TPD52: variants seen among roughly 807,000 people sequenced by gnomAD.
The protein encoded by TPD52 is tumor protein D52, also known as prostate and colon associated protein.
Under a neutral mutation model 31.3 loss-of-function variants are expected in TPD52, and 17 were observed. The observed-to-expected ratio is 0.54, with a 90% confidence interval of 0.37 to 0.82. TPD52 has a LOEUF of 0.82. Among genes scored for constraint, TPD52 ranks in the 40% least tolerant of loss-of-function variants. The pLI, the probability that TPD52 is intolerant of heterozygous loss-of-function variation, is 0.00. For synonymous variants in TPD52, 83 were observed against 89.6 expected (o/e 0.93, Z 0.42); for missense variants, 212 against 240.1 (o/e 0.88, Z 0.77).
chr8:80,101,186 G>A (rs192602295), intron 1 of TPD52, among the ~76,000 whole-genome samples: 121 of 152,350 alleles, frequency 7.9e-4, no homozygotes, highest in Non-Finnish European at 1.8e-4. Context: ...GGTGGCTCAC[G>A]CCTGTAATCC....
At chr8:80,121,971 C>CTTATTTT (rs1808290690) in intron 1 of TPD52, among the ~76,000 whole-genome samples, 1 of 151,282 alleles carries the variant, frequency 6.6e-6, no homozygotes, top group Admixed American at 6.6e-5. Flanking sequence ...ATTATTTCTA[C>CTTATTTT]TTCACATTTT....
chr8:80,158,898 C>A (rs1811156222), intron 1 of TPD52: 1 of 138,976 alleles, frequency 7.2e-6, no homozygotes, highest in South Asian at 2.3e-4. Context: ...GAGCCGAGAT[C>A]CCGCCACTGC....
chr8:80,086,227 C>G (rs1333826406), intron 1 of TPD52, among the ~76,000 whole-genome samples: 1 of 148,118 alleles, frequency 6.8e-6, no homozygotes, highest in South Asian at 2.2e-4. Context: ...AAGTGATTCT[C>G]CTAACCTCAG....
chr8:80,171,074 A>G, intron 1 of TPD52: 1 of 577,746 alleles, frequency 1.7e-6, no homozygotes, highest in South Asian at 1.8e-5. Context: ...AGTCACTTAC[A>G]GGAGCTGGCT....
At chr8:80,054,594 A>G (rs1471518502) in intron 2 of TPD52, among the ~76,000 whole-genome samples, 1 of 152,226 alleles carries the variant, frequency 6.6e-6, no homozygotes, top group Non-Finnish European at 1.5e-5. Flanking sequence ...CGGTATTTCT[A>G]TGATTTCAAA....
chr8:80,141,648 A>T (rs1410097495), intron 1 of TPD52, among the ~76,000 whole-genome samples: 2 of 152,188 alleles, frequency 1.3e-5, no homozygotes, highest in Non-Finnish European at 2.9e-5. Flanking sequence ...GCGGGGGCTC[A>T]CGCCTGTAAT....
At chr8:80,076,832 C>T (rs1272698525) in intron 1 of TPD52, among the ~76,000 whole-genome samples, 5 of 152,038 alleles carry the variant, frequency 3.3e-5, no homozygotes, top group Non-Finnish European at 7.4e-5. Context: ...CCACCATGCC[C>T]GATTAATTCT....
intron 1 of TPD52, chr8:80,171,191 A>ACACACG (rs1032265002): frequency 1.6e-5 from 11 of 700,598 alleles, no homozygotes; most frequent in Middle Eastern, 2.3e-4. Context: ...CCTCTCCCCC[A>ACACACG]CACACGCACA....
At chr8:80,039,488 A>ATT (rs1281409749) in intron 7 of TPD52, among the ~76,000 whole-genome samples, 1 of 151,688 alleles carries the variant, frequency 6.6e-6, no homozygotes, top group Non-Finnish European at 1.5e-5. Flanking sequence ...CACTAACTTA[A>ATT]TTCACTCTCC....
At chr8:80,057,223 A>C (rs1279949824) in intron 2 of TPD52, among the ~76,000 whole-genome samples, 1 of 152,194 alleles carries the variant, frequency 6.6e-6, no homozygotes, top group Non-Finnish European at 1.5e-5. Flanking sequence ...AAAGCTGTAC[A>C]CAATTGCTTA....
At chr8:80,087,170 G>A (rs1815873921) in intron 1 of TPD52, among the ~76,000 whole-genome samples, 1 of 152,020 alleles carries the variant, frequency 6.6e-6, no homozygotes. Context: ...TAAGTTCCAG[G>A]GTACATGTGC....
At chr8:80,049,372 A>T (rs1318077010) in intron 5 of TPD52, among the ~76,000 whole-genome samples, 1 of 152,226 alleles carries the variant, frequency 6.6e-6, no homozygotes, top group Non-Finnish European at 1.5e-5. Context: ...AGCACTTTTT[A>T]ACTGAATGCC....
At chr8:80,093,787 T>A (rs4740100) in intron 1 of TPD52, among the ~76,000 whole-genome samples, 88,102 of 152,002 alleles carry the variant, frequency 0.58, 25,864 homozygotes, top group East Asian at 0.74. Flanking sequence ...AAGTGATAGC[T>A]TCACCATCTG....
At chr8:80,050,568 G>A in intron 4 of TPD52, 97 bp from the exon 5 acceptor site, 1 of 1,250,428 alleles carries the variant, frequency 8.0e-7, no homozygotes, top group Non-Finnish European at 1.1e-6. Flanking sequence ...TGTTTTCCCT[G>A]GGCTCTAAAC....
At chr8:80,116,908 A>T (rs1001906946) in intron 1 of TPD52, among the ~76,000 whole-genome samples, 38 of 152,224 alleles carry the variant, frequency 2.5e-4, no homozygotes, top group African/African-American at 8.7e-4. Flanking sequence ...TATGATCATC[A>T]AAATAGATGC....
intron 1 of TPD52, among the ~76,000 whole-genome samples, chr8:80,109,944 T>G (rs1408341494): frequency 1.3e-5 from 2 of 152,174 alleles, no homozygotes; most frequent in Non-Finnish European, 2.9e-5. Flanking sequence ...CCCTGCAAGA[T>G]GGAGATGTAT....
rs374002443 is a variant in TPD52, at chr8:80,051,570, A to C, written c.343T>G (p.Ser115Ala). Residue 115 changes from serine (S) to alanine (A), a missense_variant, in exon 4 of 8, where the codon TCG (serine) becomes GCG (alanine). Coordinates refer to ENST00000518937, the MANE Select transcript of TPD52 (RefSeq NM_001025253.3). The part of the protein sequence containing the change: ...QAGQKASAAF[S>A]SVGSVITKKL... ...TTGGTGATGACTGAGCCAACAGACG[A>C]AAAAGCAGCTGAGGCCTTCTGTCCA... The C allele has an allele frequency of 2.5e-5, 41 of 1,613,614 alleles. No individual in the cohort carries two copies. Among genetic ancestry groups the C allele is most frequent in the Non-Finnish European group, 3.4e-5 (40 of 1,179,794 alleles).
intron 1 of TPD52, among the ~76,000 whole-genome samples, chr8:80,098,398 T>C (rs866030664): frequency 5.9e-5 from 9 of 152,284 alleles, no homozygotes; most frequent in Middle Eastern, 6.8e-3. Flanking sequence ...ATTAAGAAAG[T>C]TCATGTTTCA....
intron 1 of TPD52, among the ~76,000 whole-genome samples, chr8:80,112,232 A>C (rs1807547068): frequency 6.6e-6 from 1 of 152,264 alleles, no homozygotes; most frequent in South Asian, 2.1e-4. Context: ...AGCACTTCAC[A>C]TAAATTAATC....
Sources: allele counts gnomAD v4.1 joint callset (sites outside exome capture counted in the v4.1 genomes callset), GRCh38; gene constraint gnomAD v4.1.1; transcripts MANE v1.5; gene names NCBI Gene and HGNC (gene_info 2026-07-23, HGNC 2026-07-21).